Variants in CSMD1 observed in about 807,000 individuals in gnomAD.
The protein encoded by CSMD1 is CUB and sushi domain-containing protein 1.
CSMD1 carries 213 observed loss-of-function variants against 417.5 expected under a neutral mutation model. The observed-to-expected ratio is 0.51, with a 90% CI of 0.46 to 0.57. The LOEUF is 0.57. Among genes scored for constraint, CSMD1 ranks in the 20% least tolerant of loss-of-function variants. CSMD1 has a pLI of 0.00. For missense variants in CSMD1, 6,923 were observed against 4,529.7 expected, an observed-to-expected ratio of 1.53 and a Z score of -15.17; for synonymous variants, 2,862 against 1,736.8, an observed-to-expected ratio of 1.65 and a Z score of -16.11.
intron 2 of CSMD1, among the ~76,000 whole-genome samples, chr8:4,429,703 G>A (rs1797762401): frequency 1.3e-5 from 2 of 152,084 alleles, no homozygotes; most frequent in Admixed American, 1.3e-4. Context: ...AAGAACAGGA[G>A]CTCCATGAGG....
intron 5 of CSMD1, among the ~76,000 whole-genome samples, chr8:3,944,065 A>G (rs1046891972): frequency 6.6e-6 from 1 of 152,130 alleles, no homozygotes; most frequent in Non-Finnish European, 1.5e-5. Context: ...GCTCTCAACT[A>G]TTTCAAGAAA....
rs530787649 is a variant in CSMD1, at chr8:4,683,805, TG to T, written c.86-46248del. Among the ~76,000 whole-genome samples the T allele has an allele frequency of 1.7e-3, 265 of 152,166 alleles. 1 individual carries two copies. The highest frequency in any genetic ancestry group is 3.0e-3 in the Non-Finnish European group (206 of 68,008). Reference sequence around the variant, plus strand: ...TAGGCACTAAGGCTACAAGAAAAAATGGCAGTAAAAATAAGAACAAGTAGAC... The same window carrying T: ...TAGGCACTAAGGCTACAAGAAAAAATGCAGTAAAAATAAGAACAAGTAGAC... On this transcript the variant is annotated intron_variant, in intron 1 of 69. Transcript: ENST00000635120.
intron 25 of CSMD1, among the ~76,000 whole-genome samples, chr8:3,285,427 C>A (rs1584930598): frequency 6.6e-6 from 1 of 150,516 alleles, no homozygotes; most frequent in East Asian, 1.9e-4. Flanking sequence ...CGCTCCCTCT[C>A]CTAGGCTGGA....
chr8:3,672,523 C>A (rs1006133807), intron 7 of CSMD1, among the ~76,000 whole-genome samples: 5 of 152,178 alleles, frequency 3.3e-5, no homozygotes, highest in Admixed American at 6.5e-5. Flanking sequence ...ATAAACTTTA[C>A]AAGAAATCAA....
intron 12 of CSMD1, among the ~76,000 whole-genome samples, chr8:3,463,704 C>T (rs1193168106): frequency 1.3e-5 from 2 of 152,182 alleles, no homozygotes; most frequent in Non-Finnish European, 2.9e-5. Context: ...CTAGAGAAGA[C>T]GGGCGAGACT....
chr8:3,571,799 G>C (rs925577525), intron 10 of CSMD1, among the ~76,000 whole-genome samples: 2 of 152,126 alleles, frequency 1.3e-5, no homozygotes, highest in African/African-American at 4.8e-5. Flanking sequence ...TGTCTGCTCT[G>C]TTTCAGACCT....
intron 1 of CSMD1, among the ~76,000 whole-genome samples, chr8:4,735,931 C>T (rs868391233): frequency 5.3e-5 from 8 of 152,106 alleles, no homozygotes; most frequent in Admixed American, 5.2e-4. Flanking sequence ...TAAGTAGCCA[C>T]CGGTTGCAAC....
At chr8:4,592,233 C>T (rs1434857921) in intron 2 of CSMD1, among the ~76,000 whole-genome samples, 2 of 150,914 alleles carry the variant, frequency 1.3e-5, no homozygotes, top group Non-Finnish European at 2.9e-5. Context: ...CTCTTATTAT[C>T]TTATCTAGTT....
intron 23 of CSMD1, among the ~76,000 whole-genome samples, chr8:3,320,892 T>A (rs970055868): frequency 6.6e-6 from 1 of 152,216 alleles, no homozygotes; most frequent in Non-Finnish European, 1.5e-5. Flanking sequence ...CTGACATGCA[T>A]ATTCTGCACC....
chr8:4,861,910 C>T (rs534844567), intron 1 of CSMD1, among the ~76,000 whole-genome samples: 1 of 152,154 alleles, frequency 6.6e-6, no homozygotes, highest in African/African-American at 2.4e-5. Flanking sequence ...GAACTTTCCA[C>T]TTATTATACT....
intron 5 of CSMD1, among the ~76,000 whole-genome samples, chr8:3,984,741 A>G (rs1814184909): frequency 6.4e-5 from 6 of 93,338 alleles, no homozygotes; most frequent in African/African-American, 1.4e-4. Context: ...ATATATATAT[A>G]TATATATATA....
At chr8:4,215,672 C>T (rs541334899) in intron 3 of CSMD1, among the ~76,000 whole-genome samples, 1 of 152,138 alleles carries the variant, frequency 6.6e-6, no homozygotes, top group East Asian at 1.9e-4. Flanking sequence ...ATGAGGTTTT[C>T]TAAAAACACA....
chr8:3,797,285 A>G (rs957805106), intron 5 of CSMD1, among the ~76,000 whole-genome samples: 2 of 151,946 alleles, frequency 1.3e-5, no homozygotes, highest in African/African-American at 4.8e-5. Flanking sequence ...GGTAAAATAT[A>G]CTTCCAGGAA....
chr8:4,377,215 A>G lies in CSMD1; in HGVS notation c.415+42738T>C, dbSNP rs528314674. On this transcript the variant is annotated intron_variant, in intron 3 of 69. Transcript: ENST00000635120. ...ATCTTTTGGAAGGGCTGAGAGCGCA[A>G]AAGAGGAAAATAATTAACCGAGATT... Among the ~76,000 whole-genome samples, 6 of 152,280 alleles carry G rather than the reference A, an allele frequency of 3.9e-5. No homozygotes were observed. The South Asian group carries it at 8.3e-4, about 21-fold the overall frequency.
chr8:3,977,106 T>A (rs1358017278), intron 5 of CSMD1, among the ~76,000 whole-genome samples: 2 of 152,218 alleles, frequency 1.3e-5, no homozygotes, highest in Non-Finnish European at 2.9e-5. Context: ...CATCTTAATT[T>A]CTGCATTATA....
chr8:4,230,267 T>C (rs995396864), intron 3 of CSMD1, among the ~76,000 whole-genome samples: 1 of 152,202 alleles, frequency 6.6e-6, no homozygotes, highest in Non-Finnish European at 1.5e-5. Context: ...GTTGAGTATC[T>C]TATATTCTAG....
At position 4,867,597 on chromosome 8, in the gene CSMD1, T is replaced by C. The variant is rs544260766; in HGVS notation, c.85+126735A>G. Among the ~76,000 whole-genome samples the C allele has an allele frequency of 4.6e-5, 7 of 152,216 alleles. No homozygotes were observed. The South Asian group carries it at 6.2e-4, about 14-fold the overall frequency. ...AATTTCGCTTTTTTCATCAGCGCTG[T>C]ATTTTTGTATCACCTTGCACTTAAC... is the stretch of plus-strand genomic sequence containing the variant. On this transcript the variant is annotated intron_variant, in intron 1 of 69. Transcript: ENST00000635120.
At chr8:3,274,798 C>T (rs577304183) in intron 26 of CSMD1, among the ~76,000 whole-genome samples, 1 of 152,274 alleles carries the variant, frequency 6.6e-6, no homozygotes, top group South Asian at 2.1e-4. Flanking sequence ...TTCCTCCATC[C>T]TTTCATTTTG....
chr8:3,410,587 C>A (rs897609085), intron 12 of CSMD1, among the ~76,000 whole-genome samples: 2 of 152,162 alleles, frequency 1.3e-5, no homozygotes, highest in Non-Finnish European at 2.9e-5. Flanking sequence ...TCCACCTTGC[C>A]TTCGCCATGA....
Sources: allele counts gnomAD v4.1 joint callset (sites outside exome capture counted in the v4.1 genomes callset), GRCh38; gene constraint gnomAD v4.1.1; transcripts MANE v1.5; gene names NCBI Gene and HGNC (gene_info 2026-07-23, HGNC 2026-07-21).